Variants in NFIB observed in about 807,000 individuals in gnomAD.
NFIB encodes nuclear factor 1 B-type.
In NFIB, 11 loss-of-function variants were observed where a neutral mutation model predicts 61.5. The ratio of observed to expected loss-of-function variants is 0.18; its 90% confidence interval spans 0.11 to 0.30. The LOEUF (loss-of-function observed/expected upper bound fraction) is 0.30, where lower values mean the gene tolerates loss of function less well. NFIB is among the 10% of genes least tolerant of loss of function. The pLI, the probability that NFIB is intolerant of heterozygous loss-of-function variation, is 1.00. For synonymous variants in NFIB, 260 were observed against 216.5 expected, an observed-to-expected ratio of 1.20 and a Z score of -1.76; for missense variants, 471 against 608.9, an observed-to-expected ratio of 0.77 and a Z score of 2.38.
At chr9:14,219,536 T>G (rs1480780565) in intron 2 of NFIB, among the ~76,000 whole-genome samples, 1 of 152,208 alleles carries the variant, frequency 6.6e-6, no homozygotes, top group Non-Finnish European at 1.5e-5. Context: ...CCGCATTACA[T>G]TTGTTGCAAA....
chr9:14,291,604 CTT>C (rs1267695013), intron 2 of NFIB, among the ~76,000 whole-genome samples: 11 of 152,058 alleles, frequency 7.2e-5, no homozygotes, highest in Admixed American at 4.6e-4. Flanking sequence ...AGAAACATCT[CTT>C]AAATAAAAGA....
the NFIB span, among the ~76,000 whole-genome samples, chr9:14,527,569 T>C: frequency 6.6e-6 from 1 of 152,188 alleles, no homozygotes. Context: ...CCCCCCTCCA[T>C]AACACTGTGA....
intron 1 of NFIB, among the ~76,000 whole-genome samples, chr9:14,359,526 A>G (rs1476092961): frequency 6.6e-6 from 1 of 152,244 alleles, no homozygotes; most frequent in Non-Finnish European, 1.5e-5. Flanking sequence ...CAGAGGTAGC[A>G]TGACCCTGCT....
chr9:14,416,928 T>C, the NFIB span, among the ~76,000 whole-genome samples: 1 of 147,104 alleles, frequency 6.8e-6, no homozygotes, highest in South Asian at 2.1e-4. Flanking sequence ...AGTCTTGCCC[T>C]GTTGCCCAGG....
chr9:14,222,605 C>A (rs1474614017), intron 2 of NFIB, among the ~76,000 whole-genome samples: 1 of 151,922 alleles, frequency 6.6e-6, no homozygotes, highest in Admixed American at 6.6e-5. Context: ...GAGTTCGAGA[C>A]CAGCCTGGGC....
intron 1 of NFIB, among the ~76,000 whole-genome samples, chr9:14,343,611 G>C (rs1163745397): frequency 6.6e-6 from 1 of 152,132 alleles, no homozygotes; most frequent in East Asian, 1.9e-4. Flanking sequence ...CAAAGGTTTA[G>C]GTTCACTTTA....
chr9:14,462,191 T>G, the NFIB span, among the ~76,000 whole-genome samples: 1 of 152,272 alleles, frequency 6.6e-6, no homozygotes, highest in Admixed American at 6.5e-5. Flanking sequence ...TTCAGTCTGA[T>G]GCATAAAATA....
intron 2 of NFIB, among the ~76,000 whole-genome samples, chr9:14,295,615 A>AGCC (rs1260363829): frequency 6.7e-6 from 1 of 148,930 alleles, no homozygotes; most frequent in Non-Finnish European, 1.5e-5. Flanking sequence ...TGGGCTACCC[A>AGCC]GCCAGACTCC....
intron 1 of NFIB, among the ~76,000 whole-genome samples, chr9:14,389,470 T>C (rs1206268314): frequency 1.3e-5 from 2 of 152,104 alleles, no homozygotes; most frequent in Admixed American, 6.5e-5. Context: ...CTTCAGAAAA[T>C]AGAATACAAA....
intron 2 of NFIB, among the ~76,000 whole-genome samples, chr9:14,222,773 G>T (rs2051837181): frequency 8.4e-6 from 1 of 118,698 alleles, no homozygotes; most frequent in Admixed American, 1.1e-4. Flanking sequence ...TCCAGCCTGG[G>T]CAACAGAGTA....
intron 1 of NFIB, among the ~76,000 whole-genome samples, chr9:14,388,453 AAG>A (rs1277879816): frequency 6.9e-6 from 1 of 144,618 alleles, no homozygotes; most frequent in South Asian, 2.3e-4. Context: ...AGGGAGAAAA[AAG>A]AGAGAAAGAA....
the NFIB span, among the ~76,000 whole-genome samples, chr9:14,464,099 T>A: frequency 1.1e-4 from 17 of 152,246 alleles, no homozygotes; most frequent in Non-Finnish European, 2.1e-4. Context: ...TGACTGGCTG[T>A]GTCTCTGACT....
intron 2 of NFIB, among the ~76,000 whole-genome samples, chr9:14,223,253 T>A (rs576063841): frequency 4.9e-4 from 75 of 152,138 alleles, no homozygotes; most frequent in Non-Finnish European, 9.1e-4. Context: ...CTGACAGAAA[T>A]CTATAGCAGG....
At chr9:14,385,341 C>G (rs1399171010) in intron 1 of NFIB, among the ~76,000 whole-genome samples, 1 of 152,210 alleles carries the variant, frequency 6.6e-6, no homozygotes, top group Non-Finnish European at 1.5e-5. Context: ...AACTTTCAAA[C>G]TGCCTTCTTC....
intron 1 of NFIB, among the ~76,000 whole-genome samples, chr9:14,365,529 G>C (rs1382959921): frequency 6.6e-6 from 1 of 152,236 alleles, no homozygotes. Context: ...GGTAGACCAG[G>C]AGGAATAAGC....
chr9:14,417,347 G>A, the NFIB span, among the ~76,000 whole-genome samples: 1 of 152,204 alleles, frequency 6.6e-6, no homozygotes, highest in Non-Finnish European at 1.5e-5. Flanking sequence ...CTATACCACA[G>A]AGCCTAGGTG....
At chr9:14,227,129 A>C (rs1214589590) in intron 2 of NFIB, among the ~76,000 whole-genome samples, 1 of 150,570 alleles carries the variant, frequency 6.6e-6, no homozygotes, top group South Asian at 2.1e-4. Flanking sequence ...CAACGAGAGC[A>C]AAACTCCGTG....
chr9:14,518,887 C>A, the NFIB span, among the ~76,000 whole-genome samples: 2 of 152,058 alleles, frequency 1.3e-5, no homozygotes, highest in African/African-American at 4.8e-5. Context: ...CTATGCTCAG[C>A]CACTGGGAGA....
the NFIB span, among the ~76,000 whole-genome samples, chr9:14,508,313 T>G: frequency 6.6e-6 from 1 of 152,156 alleles, no homozygotes; most frequent in African/African-American, 2.4e-5. Context: ...TAGTGGACAC[T>G]GATGAGATGA....
Sources: allele counts gnomAD v4.1 joint callset (sites outside exome capture counted in the v4.1 genomes callset), GRCh38; gene constraint gnomAD v4.1.1; transcripts MANE v1.5; gene names NCBI Gene and HGNC (gene_info 2026-07-23, HGNC 2026-07-21).